The following CACNA1A variants were observed in gnomAD, a reference collection of about 807,000 sequenced individuals.
CACNA1A encodes the protein calcium voltage-gated channel subunit alpha1 A, also known as voltage-dependent P/Q-type calcium channel subunit alpha-1A.
CACNA1A carries 57 observed loss-of-function variants against 262.4 expected under a neutral mutation model. The ratio of observed to expected loss-of-function variants is 0.22; its 90% CI spans 0.18 to 0.27. CACNA1A has a LOEUF of 0.27. Among genes scored for constraint, CACNA1A ranks in the 10% least tolerant of loss-of-function variants. CACNA1A has a pLI of 1.00. For synonymous variants in CACNA1A, 1,431 were observed against 1,419.3 expected, an observed-to-expected ratio of 1.01 and a Z score of -0.18; for missense variants, 2,526 against 3,562.8, an observed-to-expected ratio of 0.71 and a Z score of 7.41.
intron 3 of CACNA1A, among the ~76,000 whole-genome samples, chr19:13,440,294 C>T (rs1057041667): frequency 6.6e-6 from 1 of 152,186 alleles, no homozygotes; most frequent in Non-Finnish European, 1.5e-5. Flanking sequence ...CCCTGACTAC[C>T]AGGTGATGGG....
chr19:13,320,235 A>T (rs1377721609), intron 10 of CACNA1A, among the ~76,000 whole-genome samples: 1 of 133,872 alleles, frequency 7.5e-6, no homozygotes, highest in African/African-American at 3.2e-5. Flanking sequence ...TGTTCCACAG[A>T]TCGAGAGAGA....
At chr19:13,254,822 G>A (rs2056500455) in intron 29 of CACNA1A, among the ~76,000 whole-genome samples, 1 of 152,110 alleles carries the variant, frequency 6.6e-6, no homozygotes, top group African/African-American at 2.4e-5. Flanking sequence ...CATAAAGATA[G>A]GATGCCTGCT....
At chr19:13,265,708 C>T (rs1460775991) in intron 24 of CACNA1A, among the ~76,000 whole-genome samples, 4 of 152,246 alleles carry the variant, frequency 2.6e-5, no homozygotes, top group South Asian at 2.1e-4. Context: ...ATCTTTCAGA[C>T]GCTCTGCTTT....
chr19:13,428,134 G>A lies in CACNA1A; in HGVS notation c.539+24742C>T, dbSNP rs551662666. The stretch of plus-strand genomic sequence containing the variant: ...GCAGAGACAGGGTTTCACCCTGTTG[G>A]TCAGGCTATTCTTGAACTCCTGACC... On this transcript the variant is annotated intron_variant, in intron 3 of 46. Transcript: ENST00000360228. Among the ~76,000 whole-genome samples, 6 of 152,302 alleles carry A rather than the reference G, an allele frequency of 3.9e-5. No homozygotes were observed. In the East Asian group the frequency reaches 1.2e-3, roughly 29 times the overall value.
At chr19:13,413,582 A>C (rs2060155686) in intron 3 of CACNA1A, among the ~76,000 whole-genome samples, 1 of 147,420 alleles carries the variant, frequency 6.8e-6, no homozygotes, top group African/African-American at 2.5e-5. Context: ...AAAAAAAAAA[A>C]AAAAAAAAAA....
At chr19:13,309,309 C>CT in intron 12 of CACNA1A, among the ~76,000 whole-genome samples, 1 of 152,116 alleles carries the variant, frequency 6.6e-6, no homozygotes, top group East Asian at 1.9e-4. Context: ...CACCTGGCCT[C>CT]TTTTTTATTT....
intron 1 of CACNA1A, among the ~76,000 whole-genome samples, chr19:13,478,427 C>T (rs1032655134): frequency 6.6e-6 from 1 of 152,190 alleles, no homozygotes; most frequent in African/African-American, 2.4e-5. Flanking sequence ...AGGCACTCTT[C>T]CCACCTCAGC....
At chr19:13,226,721 CCCG>C (rs1232867407) in intron 37 of CACNA1A, among the ~76,000 whole-genome samples, 2 of 152,190 alleles carry the variant, frequency 1.3e-5, no homozygotes, top group Non-Finnish European at 2.9e-5. Flanking sequence ...CGCCCCAGGC[CCCG>C]CCAAGGCAGC....
intron 37 of CACNA1A, chr19:13,224,978 T>C: frequency 3.9e-6 from 2 of 515,492 alleles, no homozygotes; most frequent in African/African-American, 1.9e-5. Context: ...CTTGTACTTC[T>C]GGTCCCCTGC....
At chr19:13,354,869 CTTTT>C (rs56350383) in intron 6 of CACNA1A, among the ~76,000 whole-genome samples, 5 of 115,100 alleles carry the variant, frequency 4.3e-5, no homozygotes, top group Non-Finnish European at 6.7e-5. Context: ...TTTTCTTTTT[CTTTT>C]TTTTTTTTTT....
At chr19:13,413,317 A>G (rs1014861383) in intron 3 of CACNA1A, among the ~76,000 whole-genome samples, 21 of 150,952 alleles carry the variant, frequency 1.4e-4, no homozygotes, top group Non-Finnish European at 2.7e-4. Flanking sequence ...TGTGTTAGCC[A>G]GGATGGTCTC....
intron 1 of CACNA1A, among the ~76,000 whole-genome samples, chr19:13,505,267 G>A (rs1248962657): frequency 6.6e-6 from 1 of 152,158 alleles, no homozygotes; most frequent in African/African-American, 2.4e-5. Flanking sequence ...GGAAACATAA[G>A]CGCCCCCCAG....
rs755172189 is a variant in CACNA1A at position 13,255,180 on chromosome 19, C to T, written c.4670G>A (p.Arg1557His). Residue 1557 changes from arginine (R) to histidine (H), a missense_variant, in exon 29 of 47, where the codon CGC (arginine) becomes CAC (histidine). Around this residue, in one of 17 missense-constraint regions of CACNA1A, gnomAD observed 36 missense variants for 47.3 expected, o/e 0.76. Coordinates refer to ENST00000360228, the MANE Select transcript of CACNA1A (RefSeq NM_001127222.2). ...MPQNKQSFQY[R>H]MWQFVVSPPF... ...CGGAGACACCACGAACTGCCACATGCGGTACTGGAAGCTCTGCTTGTTCTG... is the reference window on the plus strand; with the variant it reads ...CGGAGACACCACGAACTGCCACATGTGGTACTGGAAGCTCTGCTTGTTCTG... 1.3e-5 allele frequency: 21 copies of T among 1,613,676 alleles called. No individual in the cohort carries two copies. Among genetic ancestry groups the T allele is most frequent in the Admixed American group, 3.3e-5 (2 of 59,972 alleles).
At chr19:13,244,378 C>G (rs1294994338) in intron 31 of CACNA1A, 2 of 152,296 alleles carry the variant, frequency 1.3e-5, no homozygotes, top group African/African-American at 4.8e-5. Flanking sequence ...CACAGCAAGG[C>G]TGCGATTCTC....
intron 1 of CACNA1A, among the ~76,000 whole-genome samples, chr19:13,476,147 G>A (rs560102663): frequency 1.3e-5 from 2 of 152,332 alleles, no homozygotes; most frequent in East Asian, 3.9e-4. Context: ...CAGCTGCACT[G>A]TTCCTCCCTG....
In CACNA1A at chr19:13,242,754, CAATG is replaced by C. The variant is rs2056113277; in HGVS notation, c.4950+2424_4950+2427del. Among the ~76,000 whole-genome samples, 7 of 152,294 alleles carry C rather than the reference CAATG, an allele frequency of 4.6e-5. No individual in the cohort carries two copies. The South Asian group carries it at 1.4e-3, about 32-fold the overall frequency. ...TCACACCAGGCACACAGTAGGTGCTCAATGAATGTCTTTTGAGTGCATGCATCAC... is the reference window on the plus strand; with the variant it reads ...TCACACCAGGCACACAGTAGGTGCTCAATGTCTTTTGAGTGCATGCATCAC... On this transcript the variant is annotated intron_variant, in intron 31 of 46. Transcript: ENST00000360228.
At chr19:13,441,477 G>A (rs2060718069) in intron 3 of CACNA1A, among the ~76,000 whole-genome samples, 1 of 151,898 alleles carries the variant, frequency 6.6e-6, no homozygotes, top group South Asian at 2.1e-4. Flanking sequence ...GATCAGCCTG[G>A]CCAACATGGT....
chr19:13,321,171 C>T (rs565522091), intron 10 of CACNA1A, among the ~76,000 whole-genome samples: 1 of 151,946 alleles, frequency 6.6e-6, no homozygotes, highest in East Asian at 1.9e-4. Context: ...GTAGCTGGAA[C>T]TACAGGTGCC....
At chr19:13,425,128 A>C (rs2060379888) in intron 3 of CACNA1A, among the ~76,000 whole-genome samples, 1 of 152,082 alleles carries the variant, frequency 6.6e-6, no homozygotes, top group Non-Finnish European at 1.5e-5. Context: ...TAATGCAGTA[A>C]GCTGGGTAAT....
Sources: gnomAD v4.1 joint callset for allele counts (sites outside exome capture counted in the v4.1 genomes callset) on GRCh38, gnomAD v4.1.1 for gene constraint, gnomAD v4.1.1 regional missense constraint, MANE v1.5 for transcripts, NCBI Gene and HGNC (gene_info 2026-07-23, HGNC 2026-07-21) for gene names.